ZNF385D: variants seen among roughly 807,000 people sequenced by gnomAD.
ZNF385D encodes the protein zinc finger protein 385D.
ZNF385D carries 15 observed loss-of-function variants against 35.8 expected under a neutral mutation model. The observed-to-expected ratio is 0.42, with a 90% CI of 0.28 to 0.64. The LOEUF (loss-of-function observed/expected upper bound fraction) is 0.64. Among genes scored for constraint, ZNF385D ranks in the 30% least tolerant of loss-of-function variants. ZNF385D has a pLI of 0.23. For synonymous variants in ZNF385D, 212 were observed against 186.8 expected, an observed-to-expected ratio of 1.13 and a Z score of -1.10; for missense variants, 474 against 494.6, an observed-to-expected ratio of 0.96 and a Z score of 0.39.
intron 3 of ZNF385D, among the ~76,000 whole-genome samples, chr3:22,008,437 C>G (rs1406198824): frequency 6.7e-6 from 1 of 150,006 alleles, no homozygotes; most frequent in African/African-American, 2.5e-5. Context: ...ACTGCAGGCT[C>G]CGCCCCCCGG....
At chr3:22,357,362 A>C (rs372528788) in intron 2 of ZNF385D, among the ~76,000 whole-genome samples, 3 of 151,936 alleles carry the variant, frequency 2.0e-5, no homozygotes, top group South Asian at 4.1e-4. Flanking sequence ...GATGCAAGAC[A>C]GATAAATTAA....
At chr3:22,134,070 TTAAATAC>T (rs1314076717) in intron 3 of ZNF385D, 1 of 152,080 alleles carries the variant, frequency 6.6e-6, no homozygotes, top group Non-Finnish European at 1.5e-5. Context: ...ATTTATAGAC[TTAAATAC>T]TAAAGTATCA....
chr3:22,200,362 T>G lies in ZNF385D; in HGVS notation c.107-31327A>C, dbSNP rs1311470369. 2.8e-4 allele frequency among the ~76,000 whole-genome samples: 42 copies of G among 151,954 alleles called. 2 individuals are homozygous for G. The highest frequency in any genetic ancestry group is 2.6e-3 in the Admixed American group (40 of 15,198). ...TGTCCGGGGAGACATCACATGTCGG[T>G]AGGTTCCATGATGCCCCACAAGCCG... On this transcript the variant is annotated intron_variant, in intron 2 of 5. Transcript: ENST00000494108.
chr3:21,833,156 A>C (rs1189305561), intron 3 of ZNF385D, among the ~76,000 whole-genome samples: 1 of 152,134 alleles, frequency 6.6e-6, no homozygotes, highest in Non-Finnish European at 1.5e-5. Flanking sequence ...CACTGCAGAG[A>C]TCAAGAAAGG....
chr3:21,519,043 T>C (rs1707756202), intron 3 of ZNF385D, among the ~76,000 whole-genome samples: 1 of 152,118 alleles, frequency 6.6e-6, no homozygotes, highest in Admixed American at 6.6e-5. Flanking sequence ...GCTCAAGTGA[T>C]TGATGCTTTA....
chr3:21,482,577 A>C (rs185180381), intron 4 of ZNF385D, among the ~76,000 whole-genome samples: 4 of 152,290 alleles, frequency 2.6e-5, no homozygotes, highest in Admixed American at 2.6e-4. Flanking sequence ...CCTCTTAGGC[A>C]AAGCTGAACT....
At chr3:21,872,853 G>C (rs1008207278) in intron 3 of ZNF385D, among the ~76,000 whole-genome samples, 2 of 152,028 alleles carry the variant, frequency 1.3e-5, no homozygotes, top group African/African-American at 4.8e-5. Context: ...AGTATTAAGG[G>C]TATACAGTTG....
intron 3 of ZNF385D, among the ~76,000 whole-genome samples, chr3:21,919,119 T>C (rs1575914262): frequency 6.6e-6 from 1 of 152,334 alleles, no homozygotes; most frequent in East Asian, 1.9e-4. Context: ...GATAGTGTTA[T>C]TATAAATATT....
At chr3:21,989,956 T>A (rs1695057304) in intron 3 of ZNF385D, among the ~76,000 whole-genome samples, 1 of 152,236 alleles carries the variant, frequency 6.6e-6, no homozygotes, top group Non-Finnish European at 1.5e-5. Flanking sequence ...ATGTGTAACA[T>A]TTCCAGCACC....
intron 3 of ZNF385D, among the ~76,000 whole-genome samples, chr3:21,969,709 G>A (rs183985447): frequency 3.9e-5 from 6 of 151,934 alleles, no homozygotes; most frequent in East Asian, 1.9e-4. Context: ...AAGTGAACAC[G>A]GGCAGTAGCC....
chr3:21,621,554 C>CGTGTGTGTGTGTGTGT lies in ZNF385D; in HGVS notation c.165+43316_165+43331dup, dbSNP rs58332425. ...TGTCATCAGTTAAAAAAAAAATTCC[C>CGTGTGTGTGTGTGTGT]GTGTGTGTGTGTGTGTGTGTGTGTG... On this transcript the variant is annotated intron_variant, in intron 2 of 7. Transcript: ENST00000281523. Among the ~76,000 whole-genome samples the CGTGTGTGTGTGTGTGT allele has an allele frequency of 4.1e-3, 557 of 136,974 alleles. 3 individuals carry two copies. Among genetic ancestry groups the CGTGTGTGTGTGTGTGT allele is most frequent in the East Asian group, 6.0e-3 (25 of 4,174 alleles). The allele number at this position is 136,974 out of a possible 152,430, so 89.9% of individuals were successfully genotyped here. A position where few individuals can be genotyped will look rare whatever the true frequency, so the allele number is the denominator to read the frequency against.
chr3:21,875,775 C>T (rs920392370), intron 3 of ZNF385D, among the ~76,000 whole-genome samples: 2 of 152,108 alleles, frequency 1.3e-5, no homozygotes, highest in African/African-American at 4.8e-5. Context: ...TTGTCATCTT[C>T]ATTGTGATCA....
intron 2 of ZNF385D, among the ~76,000 whole-genome samples, chr3:22,195,794 T>C (rs1696373885): frequency 6.6e-6 from 1 of 151,980 alleles, no homozygotes; most frequent in African/African-American, 2.4e-5. Flanking sequence ...AATGATAGAC[T>C]GGATAAAGAA....
At chr3:22,061,809 G>A (rs114302177) in intron 3 of ZNF385D, among the ~76,000 whole-genome samples, 66 of 152,026 alleles carry the variant, frequency 4.3e-4, no homozygotes, top group African/African-American at 1.5e-3. Flanking sequence ...GATTCATAGC[G>A]CTCATCACAA....
chr3:22,237,827 A>G lies in ZNF385D; in HGVS notation c.107-68792T>C, dbSNP rs1034332963. Among the ~76,000 whole-genome samples, 3 of 151,778 alleles carry G rather than the reference A, an allele frequency of 2.0e-5. No individual in the cohort carries two copies. In the South Asian group the frequency reaches 6.3e-4, roughly 32 times the overall value. ...CCTGGCTAATTTTTGTATTTTTAGT[A>G]GAGGTGGGGTTTCACCACATTCGCC... On this transcript the variant is annotated intron_variant, in intron 2 of 5. Transcript: ENST00000494108.
chr3:21,855,589 A>G (rs1696664769), intron 3 of ZNF385D, among the ~76,000 whole-genome samples: 1 of 152,020 alleles, frequency 6.6e-6, no homozygotes, highest in South Asian at 2.1e-4. Context: ...TCCTCACCAT[A>G]CTAATCAGAA....
In ZNF385D at chr3:21,849,946, G is replaced by A. The variant is rs150854630; in HGVS notation, c.326-184918C>T. 2.7e-3 allele frequency among the ~76,000 whole-genome samples: 403 copies of A among 151,992 alleles called. 3 individuals are homozygous for A. The highest frequency in any genetic ancestry group is 0.011 in the South Asian group (51 of 4,830). ...TTTTGTAGGGATAGGGTCTCACTATGTTGCCCATGCTAGTCTCGAACTCCT... is the reference window on the plus strand; with the variant it reads ...TTTTGTAGGGATAGGGTCTCACTATATTGCCCATGCTAGTCTCGAACTCCT... On this transcript the variant is annotated intron_variant, in intron 3 of 5. Transcript: ENST00000494108.
intron 4 of ZNF385D, among the ~76,000 whole-genome samples, chr3:21,478,567 T>C (rs1242015923): frequency 1.3e-5 from 2 of 152,158 alleles, no homozygotes; most frequent in Non-Finnish European, 2.9e-5. Flanking sequence ...GCCACTGAGA[T>C]TGGGAGTCAT....
intron 3 of ZNF385D, among the ~76,000 whole-genome samples, chr3:21,984,777 A>C (rs1284210626): frequency 6.7e-5 from 8 of 118,872 alleles, no homozygotes; most frequent in African/African-American, 2.4e-4. Flanking sequence ...TTTTCACGAT[A>C]TTGATTCTTC....
Sources: allele counts gnomAD v4.1 joint callset (sites outside exome capture counted in the v4.1 genomes callset), GRCh38; gene constraint gnomAD v4.1.1; transcripts MANE v1.5; gene names NCBI Gene and HGNC (gene_info 2026-07-23, HGNC 2026-07-21).